Variants in TMEM132B observed in about 807,000 individuals in gnomAD.
The protein encoded by TMEM132B is transmembrane protein 132B.
In TMEM132B, 18 loss-of-function variants were observed where a neutral mutation model predicts 90.8. That is an observed-to-expected ratio of 0.20 (90% CI 0.14 to 0.29). TMEM132B has a LOEUF of 0.29. Among genes scored for constraint, TMEM132B ranks in the 10% least tolerant of loss-of-function variants. The pLI, the probability that TMEM132B is intolerant of heterozygous loss-of-function variation, is 1.00. For missense variants in TMEM132B, 1,096 were observed against 1,326.8 expected (o/e 0.83, Z 2.70); for synonymous variants, 504 against 523.3 (o/e 0.96, Z 0.50).
chr12:125,323,923 G>C (rs184591192), intron 1 of TMEM132B, among the ~76,000 whole-genome samples: 2 of 152,222 alleles, frequency 1.3e-5, no homozygotes, highest in African/African-American at 4.8e-5. Context: ...CTGGCACCCA[G>C]AAAAATCATG....
intron 5 of TMEM132B, among the ~76,000 whole-genome samples, chr12:125,594,756 T>C (rs975561300): frequency 6.6e-6 from 1 of 152,214 alleles, no homozygotes. Context: ...TGTTTTTATA[T>C]TCTGGATACA....
intron 1 of TMEM132B, among the ~76,000 whole-genome samples, chr12:125,236,850 G>A (rs559561586): frequency 6.6e-6 from 1 of 152,344 alleles, no homozygotes; most frequent in Admixed American, 6.5e-5. Context: ...TCTGAACTTA[G>A]GTCTTTCCAA....
chr12:125,201,774 C>T (rs572139920), intron 1 of TMEM132B, among the ~76,000 whole-genome samples: 5 of 152,300 alleles, frequency 3.3e-5, no homozygotes, highest in South Asian at 2.1e-4. Context: ...AAAAACTTAA[C>T]GTAGTTAAGC....
At chr12:125,397,175 GT>G (rs1253344700) in intron 2 of TMEM132B, among the ~76,000 whole-genome samples, 1 of 152,038 alleles carries the variant, frequency 6.6e-6, no homozygotes, top group East Asian at 1.9e-4. Context: ...GTTTCATCAT[GT>G]TGGCCAGGAT....
intron 5 of TMEM132B, among the ~76,000 whole-genome samples, chr12:125,589,291 GC>G (rs549970692): frequency 3.9e-4 from 60 of 152,040 alleles, no homozygotes; most frequent in Middle Eastern, 3.4e-3. Flanking sequence ...GACCATCCTG[GC>G]TAACACGGTG....
At chr12:125,636,354 C>T (rs190080925) in intron 5 of TMEM132B, among the ~76,000 whole-genome samples, 10 of 152,204 alleles carry the variant, frequency 6.6e-5, no homozygotes, top group Admixed American at 3.3e-4. Context: ...TCTCAGTGTC[C>T]GCTTCCTTCT....
chr12:125,654,432 G>A lies in TMEM132B; in HGVS notation c.2974G>A (p.Gly992Ser), dbSNP rs773478253. Reference protein sequence around the residue: ...QFEERNFLLNGSSQKTFHSQL... With the variant: ...QFEERNFLLNSSSQKTFHSQL... Reference sequence around the variant, plus strand: ...CGAGGAGAGGAACTTCCTTCTGAATGGCAGTTCCCAGAAGACTTTTCATAG... The same window carrying A: ...CGAGGAGAGGAACTTCCTTCTGAATAGCAGTTCCCAGAAGACTTTTCATAG... The change falls in exon 9 of 9, where the codon GGC (glycine) becomes AGC (serine). Residue 992 changes from glycine (G) to serine (S), a missense_variant. Physicochemically the swap from Gly to Ser is moderately conservative, Grantham distance 56. Transcript: ENST00000682704. The surrounding 1 kb of genome is among the most constrained non-coding windows in gnomAD (Gnocchi z 5.8). 1.2e-5 allele frequency: 20 copies of A among 1,613,490 alleles called. No individual in the cohort carries two copies. Among genetic ancestry groups the A allele is most frequent in the Non-Finnish European group, 1.7e-5 (20 of 1,180,000 alleles).
chr12:125,265,426 C>T (rs550032307), intron 1 of TMEM132B, among the ~76,000 whole-genome samples: 1 of 152,174 alleles, frequency 6.6e-6, no homozygotes, highest in South Asian at 2.1e-4. Context: ...ATAAACATTA[C>T]GTGAATGTGG....
chr12:125,614,071 A>G (rs977200762), intron 5 of TMEM132B, among the ~76,000 whole-genome samples: 1 of 152,202 alleles, frequency 6.6e-6, no homozygotes, highest in African/African-American at 2.4e-5. Flanking sequence ...AGAAAAAGAA[A>G]TATACTTTCA....
intron 1 of TMEM132B, among the ~76,000 whole-genome samples, chr12:125,341,216 T>A (rs1877169355): frequency 6.6e-6 from 1 of 152,252 alleles, no homozygotes; most frequent in Non-Finnish European, 1.5e-5. Flanking sequence ...CCTCTGCCAC[T>A]TACTAGCTGT....
chr12:125,643,112 A>G (rs1324813594), intron 5 of TMEM132B, among the ~76,000 whole-genome samples: 1 of 152,124 alleles, frequency 6.6e-6, no homozygotes, highest in Admixed American at 6.5e-5. Context: ...CCTGAGTTGT[A>G]GTTACAGATT....
rs1490831714 is a variant in TMEM132B, at chr12:125,209,439, G to A, written c.67+22573G>A. 6.6e-6 allele frequency among the ~76,000 whole-genome samples: 1 copy of A among 152,210 alleles called. No homozygotes were observed. Among genetic ancestry groups the A allele is most frequent in the Non-Finnish European group, 1.5e-5 (1 of 68,030 alleles). On this transcript the variant is annotated intron_variant, in intron 1 of 8. Transcript: ENST00000682704. The surrounding 1 kb of genome is among the most constrained non-coding windows in gnomAD (Gnocchi z 4.4). ...GGGACAGTGCTCGACTGGGGGAAGG[G>A]GTTTGGCCCCCTTTCTGTCCTGGTC...
In TMEM132B at chr12:125,458,263, A is replaced by G. The variant is rs1881347186; in HGVS notation, c.1106+42586A>G. On this transcript the variant is annotated intron_variant, in intron 3 of 8. Coordinates refer to ENST00000682704, the MANE Select transcript of TMEM132B (RefSeq NM_001366854.1). This position sits in a 1 kb window ranked among gnomAD's most constrained non-coding sequence, Gnocchi z 4.9. ...GACAAGGGATGGAGCCTGGGACACA[A>G]GTCCTAGTCATGTGCGTTTATTATA... 1.3e-5 allele frequency among the ~76,000 whole-genome samples: 2 copies of G among 152,152 alleles called. No individual in the cohort carries two copies. The highest frequency in any genetic ancestry group is 4.1e-4 in the South Asian group (2 of 4,820).
chr12:125,240,014 G>A lies in TMEM132B; in HGVS notation c.67+53148G>A, dbSNP rs547066068. Reference sequence around the variant, plus strand: ...TGACAACATCCCAATTCAGCTGGTGGCATCTTCATCTTACAAGAGAAAACA... The same window carrying A: ...TGACAACATCCCAATTCAGCTGGTGACATCTTCATCTTACAAGAGAAAACA... On this transcript the variant is annotated intron_variant, in intron 1 of 8. Coordinates refer to ENST00000682704, the MANE Select transcript of TMEM132B (RefSeq NM_001366854.1). Among the ~76,000 whole-genome samples, 271 of 152,322 alleles carry A rather than the reference G, an allele frequency of 1.8e-3. 1 individual carries two copies. Among genetic ancestry groups the A allele is most frequent in the Non-Finnish European group, 3.0e-3 (202 of 68,032 alleles).
At chr12:125,425,393 C>T (rs894801446) in intron 3 of TMEM132B, among the ~76,000 whole-genome samples, 6 of 152,094 alleles carry the variant, frequency 3.9e-5, no homozygotes, top group Non-Finnish European at 7.3e-5. Flanking sequence ...CCTCCAGTTC[C>T]CCTATTATTA....
At position 125,406,973 on chromosome 12, in the gene TMEM132B, A is replaced by G. The variant is rs1384745961; in HGVS notation, c.960-8558A>G. On this transcript the variant is annotated intron_variant, in intron 2 of 8. Coordinates refer to ENST00000682704, the MANE Select transcript of TMEM132B (RefSeq NM_001366854.1). This position sits in a 1 kb window ranked among gnomAD's most constrained non-coding sequence, Gnocchi z 8.3. ...GACCTTTCCCAGTGGAGTCGTATGG[A>G]CAGCATTTGCTTCTCCCAGAGCTGA... Among the ~76,000 whole-genome samples, 1 of 152,188 alleles carries G rather than the reference A, an allele frequency of 6.6e-6. No individual in the cohort carries two copies. Among genetic ancestry groups the G allele is most frequent in the Non-Finnish European group, 1.5e-5 (1 of 68,028 alleles).
intron 4 of TMEM132B, among the ~76,000 whole-genome samples, chr12:125,535,742 C>A (rs560083676): frequency 6.6e-6 from 1 of 152,290 alleles, no homozygotes; most frequent in Admixed American, 6.5e-5. Flanking sequence ...ACTTGCCCAC[C>A]TTTGCATTTT....
At chr12:125,394,044 A>G (rs772765939) in intron 2 of TMEM132B, among the ~76,000 whole-genome samples, 1 of 152,240 alleles carries the variant, frequency 6.6e-6, no homozygotes, top group Non-Finnish European at 1.5e-5. Flanking sequence ...AGGGGCAAAC[A>G]GAGAACAACC....
In TMEM132B at chr12:125,438,417, C is replaced by T. The variant is rs540500534; in HGVS notation, c.1106+22740C>T. 2.9e-4 allele frequency among the ~76,000 whole-genome samples: 44 copies of T among 152,338 alleles called. No homozygotes were observed. The South Asian group carries it at 8.7e-3, about 30-fold the overall frequency. ...TGGTGCCCACGATCTGCTATACATG[C>T]AGGTGCGTGGTATGGCCAGGTCAGC... On this transcript the variant is annotated intron_variant, in intron 3 of 8. Transcript: ENST00000682704.
Sources: gnomAD v4.1 joint callset for allele counts (sites outside exome capture counted in the v4.1 genomes callset) on GRCh38, gnomAD v4.1.1 for gene constraint, Gnocchi (gnomAD v3.1) non-coding constraint, MANE v1.5 for transcripts, NCBI Gene and HGNC (gene_info 2026-07-23, HGNC 2026-07-21) for gene names.